LNX1: variants seen among roughly 807,000 people sequenced by gnomAD.
The protein encoded by LNX1 is E3 ubiquitin-protein ligase LNX.
Under a neutral mutation model 68.4 loss-of-function variants are expected in LNX1, and 54 were observed. That is an observed-to-expected ratio of 0.79 (90% CI 0.63 to 0.99). The LOEUF (loss-of-function observed/expected upper bound fraction) is 0.99, where lower values mean the gene tolerates loss of function less well. LNX1 is among the 50% of genes least tolerant of loss of function. The probability of loss-of-function intolerance (pLI) is 0.00; values close to 1 mark genes in which losing one functional copy is unlikely to be tolerated. For missense variants in LNX1, 906 were observed against 926.4 expected (o/e 0.98, Z 0.29); for synonymous variants, 336 against 350.0 (o/e 0.96, Z 0.45).
At chr4:53,555,507 C>T (rs1729846701) in intron 2 of LNX1, among the ~76,000 whole-genome samples, 1 of 152,182 alleles carries the variant, frequency 6.6e-6, no homozygotes, top group Non-Finnish European at 1.5e-5. Flanking sequence ...TTTCCATCTG[C>T]CTTGAATCAT....
chr4:53,466,615 T>C (rs1560610233), intron 9 of LNX1, among the ~76,000 whole-genome samples: 1 of 152,186 alleles, frequency 6.6e-6, no homozygotes, highest in East Asian at 1.9e-4. Context: ...AGACGGCACC[T>C]GGAAAATCGG....
At chr4:53,466,543 G>C (rs977578771) in intron 9 of LNX1, among the ~76,000 whole-genome samples, 1 of 152,158 alleles carries the variant, frequency 6.6e-6, no homozygotes, top group Non-Finnish European at 1.5e-5. Context: ...GCAAGGCGTC[G>C]CCTCACCCGG....
intron 2 of LNX1, among the ~76,000 whole-genome samples, chr4:53,601,472 C>G (rs1247806091): frequency 6.6e-6 from 1 of 152,206 alleles, no homozygotes; most frequent in African/African-American, 2.4e-5. Context: ...TGTCTTGCCA[C>G]GATGGCCAGT....
At chr4:53,586,733 T>C (rs186427722) in intron 1 of LNX1, among the ~76,000 whole-genome samples, 13 of 152,322 alleles carry the variant, frequency 8.5e-5, no homozygotes, top group African/African-American at 2.9e-4. Flanking sequence ...AGTAAACAGA[T>C]GATTGTAAAA....
chr4:53,648,866 G>A (rs139317729), intron 1 of LNX1, among the ~76,000 whole-genome samples: 77 of 152,252 alleles, frequency 5.1e-4, no homozygotes, highest in African/African-American at 1.8e-3. Context: ...CCAGCTTTGG[G>A]GTTGTCAGGA....
At chr4:53,530,920 C>T (rs1442253104) in intron 2 of LNX1, among the ~76,000 whole-genome samples, 2 of 152,066 alleles carry the variant, frequency 1.3e-5, no homozygotes, top group Non-Finnish European at 2.9e-5. Flanking sequence ...TCCCAGCACC[C>T]TGGGAGGCTT....
At chr4:53,647,978 T>A (rs1734950301) in intron 1 of LNX1, among the ~76,000 whole-genome samples, 1 of 152,282 alleles carries the variant, frequency 6.6e-6, no homozygotes, top group Admixed American at 6.5e-5. Flanking sequence ...TCCCATTGTA[T>A]GTGTATACTA....
In LNX1 at chr4:53,496,350, C is replaced by T. The variant is rs763147704; in HGVS notation, c.1023G>A (p.Val341=). ...CCTGGCAGGGCTGCCGCAGGAGACGCACAGCGTAGTTGTGAGGGACATTGC... is the reference window on the plus strand; with the variant it reads ...CCTGGCAGGGCTGCCGCAGGAGACGTACAGCGTAGTTGTGAGGGACATTGC... ...DISNVPHNYA[V]RLLRQPCQVL... is the part of the protein sequence containing the mutation. Residue 341 remains valine, a synonymous_variant, in exon 6 of 11, where the codon GTG becomes GTA. Coordinates refer to ENST00000263925, the MANE Select transcript of LNX1 (RefSeq NM_001126328.3). 2 of 1,614,090 alleles carry T rather than the reference C, an allele frequency of 1.2e-6. No individual in the cohort carries two copies. Among genetic ancestry groups the T allele is most frequent in the Non-Finnish European group, 1.7e-6 (2 of 1,179,998 alleles).
chr4:53,507,852 A>T (rs1437733468), intron 3 of LNX1, 134 bp downstream of exon 3: 1 of 1,194,306 alleles, frequency 8.4e-7, no homozygotes, highest in East Asian at 2.6e-5. Flanking sequence ...CGAATTGGAC[A>T]TTGGGTTCCT....
chr4:53,473,566 C>T (rs1723376018), intron 9 of LNX1, among the ~76,000 whole-genome samples: 1 of 152,148 alleles, frequency 6.6e-6, no homozygotes, highest in Non-Finnish European at 1.5e-5. Context: ...AAACCAAATA[C>T]TTCATGTTCT....
At chr4:53,566,776 T>C (rs1467521629) in intron 2 of LNX1, among the ~76,000 whole-genome samples, 52 of 150,038 alleles carry the variant, frequency 3.5e-4, no homozygotes, top group African/African-American at 1.1e-3. Flanking sequence ...GAGACACACA[T>C]AGGCTCAAAA....
intron 2 of LNX1, among the ~76,000 whole-genome samples, chr4:53,561,198 T>G (rs894084071): frequency 5.3e-5 from 8 of 152,200 alleles, no homozygotes; most frequent in African/African-American, 1.9e-4. Flanking sequence ...AATACATGCT[T>G]ACTTTTCATA....
intron 2 of LNX1, among the ~76,000 whole-genome samples, chr4:53,557,176 C>T (rs1265830265): frequency 2.0e-5 from 3 of 152,252 alleles, no homozygotes; most frequent in Middle Eastern, 3.4e-3. Context: ...GGACATGTGT[C>T]ATGTAGGAAA....
intron 2 of LNX1, among the ~76,000 whole-genome samples, chr4:53,615,811 A>AT (rs1733660205): frequency 6.6e-6 from 1 of 152,172 alleles, no homozygotes; most frequent in African/African-American, 2.4e-5. Context: ...TATGGGGTAC[A>AT]TGAGATGTTT....
At chr4:53,468,693 G>C (rs1722892761) in intron 9 of LNX1, among the ~76,000 whole-genome samples, 2 of 152,148 alleles carry the variant, frequency 1.3e-5, no homozygotes, top group African/African-American at 4.8e-5. Context: ...TGCAATCCTA[G>C]TCTCTGATAA....
At chr4:53,547,677 A>G (rs1038498759) in intron 2 of LNX1, among the ~76,000 whole-genome samples, 3 of 152,222 alleles carry the variant, frequency 2.0e-5, no homozygotes, top group Non-Finnish European at 2.9e-5. Flanking sequence ...TGGGGCAACC[A>G]GGAAGACAGC....
At chr4:53,576,166 G>A (rs1403864202) in intron 1 of LNX1, 4 of 1,573,322 alleles carry the variant, frequency 2.5e-6, no homozygotes, top group African/African-American at 2.7e-5. Flanking sequence ...GCTGCCCCAT[G>A]TTGCTGACTT....
At chr4:53,471,536 C>A (rs1459964875) in intron 9 of LNX1, among the ~76,000 whole-genome samples, 1 of 152,112 alleles carries the variant, frequency 6.6e-6, no homozygotes, top group Non-Finnish European at 1.5e-5. Context: ...AAAGAAACTA[C>A]CATCAGAGTG....
chr4:53,521,269 G>A (rs1373449682), intron 2 of LNX1, among the ~76,000 whole-genome samples: 2 of 152,126 alleles, frequency 1.3e-5, no homozygotes, highest in Admixed American at 6.6e-5. Context: ...GCAACCCCAG[G>A]GGCTCTGCAG....
Sources: allele counts gnomAD v4.1 joint callset (sites outside exome capture counted in the v4.1 genomes callset), GRCh38; gene constraint gnomAD v4.1.1; transcripts MANE v1.5; gene names NCBI Gene and HGNC (gene_info 2026-07-23, HGNC 2026-07-21).